Variants in RIMS2 observed in about 807,000 individuals in gnomAD.
The protein encoded by RIMS2 is regulating synaptic membrane exocytosis 2.
RIMS2 carries 59 observed loss-of-function variants against 174.4 expected under a neutral mutation model. The observed-to-expected ratio is 0.34, with a 90% CI of 0.27 to 0.42. RIMS2 has a LOEUF of 0.42. Ranked by LOEUF, RIMS2 falls within the 10% of genes least tolerant of loss-of-function variation. The probability of loss-of-function intolerance (pLI) is 1.00; values close to 1 mark genes in which losing one functional copy is unlikely to be tolerated. For missense variants in RIMS2, 1,620 were observed against 1,666.3 expected (o/e 0.97, Z 0.48); for synonymous variants, 606 against 572.5 (o/e 1.06, Z -0.84).
chr8:103,750,922 G>A (rs1170382472), intron 2 of RIMS2, among the ~76,000 whole-genome samples: 1 of 152,136 alleles, frequency 6.6e-6, no homozygotes, highest in Non-Finnish European at 1.5e-5. Context: ...TGTTGTGGGA[G>A]GGACGCAGTA....
intron 1 of RIMS2, among the ~76,000 whole-genome samples, chr8:103,673,921 C>A (rs1270869695): frequency 1.3e-5 from 2 of 152,166 alleles, no homozygotes. Context: ...ATTCTTTGGT[C>A]CCACATGTGA....
intron 19 of RIMS2, among the ~76,000 whole-genome samples, chr8:104,104,691 A>C (rs2097999338): frequency 6.6e-6 from 1 of 152,076 alleles, no homozygotes; most frequent in South Asian, 2.1e-4. Context: ...AAATAGCTTG[A>C]CTGCAGGAAT....
intron 1 of RIMS2, among the ~76,000 whole-genome samples, chr8:103,534,003 T>G (rs1195916749): frequency 2.0e-5 from 3 of 152,196 alleles, no homozygotes; most frequent in Admixed American, 1.3e-4. Context: ...TTTATTTCAA[T>G]TTTTTGAGCT....
chr8:104,115,448 A>G (rs2098264643), intron 19 of RIMS2, among the ~76,000 whole-genome samples: 1 of 152,158 alleles, frequency 6.6e-6, no homozygotes, highest in South Asian at 2.1e-4. Flanking sequence ...ATTTTTAACA[A>G]TATGGGAACA....
At chr8:103,915,616 T>A (rs1411817086) in intron 7 of RIMS2, 22 bp downstream of exon 10, 8 of 1,289,496 alleles carry the variant, frequency 6.2e-6, no homozygotes, top group Non-Finnish European at 8.9e-6. Context: ...CCTTTGATTA[T>A]TTACATTTAA....
Position 103,829,073 on chromosome 8 carries a change from A to G in RIMS2, c.699-56225A>G, listed in dbSNP as rs539848659. ...TTGGGCTCTTTTTTGGTTCTATGTG[A>G]ATTTAATAATAGGTTTTTTTTTTTT... On this transcript the variant is annotated intron_variant, in intron 3 of 23. Coordinates refer to ENST00000504942, the Ensembl canonical transcript of RIMS2. Among the ~76,000 whole-genome samples the G allele has an allele frequency of 6.3e-5, 9 of 142,252 alleles. No individual in the cohort carries two copies. In the East Asian group the frequency reaches 1.9e-3, roughly 30 times the overall value. 93.3% of individuals were successfully genotyped at this position (142,252 alleles called of 152,430 possible). A position where few individuals can be genotyped will look rare whatever the true frequency, so the allele number is the denominator to read the frequency against.
intron 17 of RIMS2, among the ~76,000 whole-genome samples, chr8:103,997,586 T>C (rs2095179794): frequency 6.6e-6 from 1 of 151,618 alleles, no homozygotes; most frequent in Non-Finnish European, 1.5e-5. Context: ...GCATGAAAGG[T>C]AGCAAAGCCA....
chr8:103,587,224 G>A (rs1029473421), intron 1 of RIMS2, among the ~76,000 whole-genome samples: 1 of 151,822 alleles, frequency 6.6e-6, no homozygotes, highest in South Asian at 2.1e-4. Flanking sequence ...AATTCTTTCA[G>A]TAAAGAAAGG....
chr8:103,563,490 C>CA (rs1200220826), intron 1 of RIMS2, among the ~76,000 whole-genome samples: 1 of 152,198 alleles, frequency 6.6e-6, no homozygotes. Context: ...GAGACCACTT[C>CA]AGCCTGGATT....
At chr8:103,937,836 G>A (rs927403895) in intron 13 of RIMS2, among the ~76,000 whole-genome samples, 10 of 152,242 alleles carry the variant, frequency 6.6e-5, no homozygotes, top group African/African-American at 9.6e-5. Context: ...TTATCTGGTC[G>A]ATAATAGGAA....
At chr8:104,048,241 A>G (rs1480220005) in intron 19 of RIMS2, among the ~76,000 whole-genome samples, 1 of 152,194 alleles carries the variant, frequency 6.6e-6, no homozygotes, top group East Asian at 1.9e-4. Flanking sequence ...AGTATATATT[A>G]AATAAAACTC....
At chr8:103,602,829 T>A (rs1432354091) in intron 1 of RIMS2, among the ~76,000 whole-genome samples, 3 of 152,184 alleles carry the variant, frequency 2.0e-5, no homozygotes, top group Admixed American at 1.3e-4. Flanking sequence ...TACTCATTAA[T>A]GGGATTGCTG....
chr8:103,998,187 A>G, intron 17 of RIMS2: 1 of 1,601,470 alleles, frequency 6.2e-7, no homozygotes, highest in South Asian at 1.1e-5. Context: ...GCTTGCAGTC[A>G]TTTTCTTACT....
At chr8:103,595,869 T>C (rs2094460880) in intron 1 of RIMS2, among the ~76,000 whole-genome samples, 1 of 151,830 alleles carries the variant, frequency 6.6e-6, no homozygotes, top group South Asian at 2.1e-4. Flanking sequence ...CTCTTCCATC[T>C]TTTTTTTCCT....
intron 19 of RIMS2, among the ~76,000 whole-genome samples, chr8:104,150,304 C>A (rs1246895849): frequency 6.6e-6 from 1 of 152,078 alleles, no homozygotes; most frequent in Admixed American, 6.6e-5. Context: ...ACTCAGGGTT[C>A]TTATTTATAA....
intron 3 of RIMS2, among the ~76,000 whole-genome samples, chr8:103,847,339 T>C (rs1278996201): frequency 2.6e-5 from 4 of 152,086 alleles, no homozygotes; most frequent in Non-Finnish European, 5.9e-5. Context: ...TGAAGGATAG[T>C]GTCCGGTCCT....
At chr8:103,787,908 C>G (rs949673729) in intron 3 of RIMS2, among the ~76,000 whole-genome samples, 28 of 152,076 alleles carry the variant, frequency 1.8e-4, no homozygotes, top group Non-Finnish European at 3.5e-4. Flanking sequence ...TCAGGTACAC[C>G]AATCAGACGT....
chr8:104,210,697 A>G (rs753927495), intron 19 of RIMS2, among the ~76,000 whole-genome samples: 1 of 152,216 alleles, frequency 6.6e-6, no homozygotes, highest in Non-Finnish European at 1.5e-5. Flanking sequence ...GAAATGCAGT[A>G]TCACAGGGCC....
intron 1 of RIMS2, among the ~76,000 whole-genome samples, chr8:103,601,171 T>G (rs1248919243): frequency 1.3e-5 from 2 of 152,252 alleles, no homozygotes; most frequent in Non-Finnish European, 2.9e-5. Flanking sequence ...GTTGATTCAA[T>G]TTGTTTATTG....
Sources: allele counts gnomAD v4.1 joint callset (sites outside exome capture counted in the v4.1 genomes callset), GRCh38; gene constraint gnomAD v4.1.1; transcripts MANE v1.5; gene names NCBI Gene and HGNC (gene_info 2026-07-23, HGNC 2026-07-21).